Variants in ASIC2 observed in about 807,000 individuals in gnomAD.
ASIC2 encodes the protein acid sensing ion channel subunit 2, also known as acid-sensing ion channel 2.
In ASIC2, 25 loss-of-function variants were observed where a neutral mutation model predicts 57.3. The ratio of observed to expected loss-of-function variants is 0.44; its 90% CI spans 0.32 to 0.61. ASIC2 has a LOEUF of 0.61. Ranked by LOEUF, ASIC2 falls within the 20% of genes least tolerant of loss-of-function variation. The pLI is 0.06. For missense variants in ASIC2, 641 were observed against 738.1 expected (o/e 0.87, Z 1.52); for synonymous variants, 319 against 307.5 (o/e 1.04, Z -0.39).
At chr17:33,404,307 T>G (rs1040124664) in intron 1 of ASIC2, among the ~76,000 whole-genome samples, 1 of 152,346 alleles carries the variant, frequency 6.6e-6, no homozygotes, top group East Asian at 1.9e-4. Context: ...AATTGCACAC[T>G]TGAGTGAATT....
chr17:33,668,509 G>A (rs1230860810), intron 1 of ASIC2, among the ~76,000 whole-genome samples: 1 of 151,892 alleles, frequency 6.6e-6, no homozygotes, highest in Admixed American at 6.5e-5. Flanking sequence ...CTGGTTTTCC[G>A]CAGCCAAGAA....
intron 1 of ASIC2, among the ~76,000 whole-genome samples, chr17:33,782,038 C>G (rs1245685585): frequency 6.6e-6 from 1 of 152,196 alleles, no homozygotes; most frequent in Non-Finnish European, 1.5e-5. Context: ...AGCAGGCAGA[C>G]TGGCTTTTAT....
chr17:33,694,385 G>A (rs1159207865), intron 1 of ASIC2, among the ~76,000 whole-genome samples: 3 of 152,146 alleles, frequency 2.0e-5, no homozygotes. Flanking sequence ...TTTTTCAGCT[G>A]CACCACCCAT....
chr17:33,142,909 C>T (rs1176550456), intron 1 of ASIC2, among the ~76,000 whole-genome samples: 1 of 152,214 alleles, frequency 6.6e-6, no homozygotes, highest in African/African-American at 2.4e-5. Context: ...GGGTTGGTCA[C>T]TGTCCATGGT....
intron 1 of ASIC2, among the ~76,000 whole-genome samples, chr17:33,470,232 C>G (rs1187524561): frequency 2.6e-5 from 4 of 152,108 alleles, no homozygotes; most frequent in African/African-American, 9.7e-5. Context: ...GGGTCTTAAA[C>G]CAATGGACAA....
intron 1 of ASIC2, among the ~76,000 whole-genome samples, chr17:33,624,794 A>G (rs1905919913): frequency 6.6e-6 from 1 of 152,202 alleles, no homozygotes; most frequent in African/African-American, 2.4e-5. Flanking sequence ...TCATAGGGCT[A>G]AGCATTTGGG....
intron 1 of ASIC2, among the ~76,000 whole-genome samples, chr17:33,261,340 GGAT>G (rs1255902902): frequency 1.3e-5 from 2 of 152,156 alleles, no homozygotes; most frequent in African/African-American, 4.8e-5. Flanking sequence ...TGTTGTTTGT[GGAT>G]TAGAAAACAG....
At chr17:33,947,981 A>G (rs927674875) in intron 1 of ASIC2, among the ~76,000 whole-genome samples, 1 of 152,222 alleles carries the variant, frequency 6.6e-6, no homozygotes, top group Non-Finnish European at 1.5e-5. Flanking sequence ...TAAGCACTAT[A>G]TTATTTCTAT....
At chr17:33,087,673 C>T (rs532168727) in intron 3 of ASIC2, among the ~76,000 whole-genome samples, 1 of 150,042 alleles carries the variant, frequency 6.7e-6, no homozygotes, top group East Asian at 2.0e-4. Context: ...GTGATCCTCC[C>T]ACCTCCAACC....
intron 3 of ASIC2, among the ~76,000 whole-genome samples, chr17:33,034,715 A>G (rs1414150184): frequency 2.6e-5 from 4 of 151,962 alleles, no homozygotes; most frequent in Admixed American, 2.6e-4. Flanking sequence ...CCCTGCAGGT[A>G]TTATGCCCCC....
intron 1 of ASIC2, among the ~76,000 whole-genome samples, chr17:33,172,359 CT>C (rs1905555641): frequency 1.3e-5 from 2 of 152,242 alleles, no homozygotes; most frequent in Admixed American, 1.3e-4. Context: ...GTCCCCACCC[CT>C]GCCACAGGTA....
intron 1 of ASIC2, among the ~76,000 whole-genome samples, chr17:33,131,009 T>C (rs1253005055): frequency 6.6e-6 from 1 of 152,222 alleles, no homozygotes; most frequent in Non-Finnish European, 1.5e-5. Context: ...TGTTTTCATC[T>C]GTAAAGTGGA....
At chr17:33,417,140 G>C (rs1910872201) in intron 1 of ASIC2, among the ~76,000 whole-genome samples, 1 of 152,168 alleles carries the variant, frequency 6.6e-6, no homozygotes, top group African/African-American at 2.4e-5. Context: ...AACACACACA[G>C]ACTCTAGTAG....
At chr17:33,021,162 T>TACC in intron 7 of ASIC2, 57 bp downstream of exon 7, 3 of 694,006 alleles carry the variant, frequency 4.3e-6, no homozygotes, top group East Asian at 2.8e-5. Flanking sequence ...CTGTGCATCC[T>TACC]CCCTCCCTCC....
intron 1 of ASIC2, among the ~76,000 whole-genome samples, chr17:33,439,177 G>T (rs1471098766): frequency 6.6e-6 from 1 of 152,184 alleles, no homozygotes; most frequent in Non-Finnish European, 1.5e-5. Flanking sequence ...CTGTGGCACT[G>T]TGTCAGCCTT....
chr17:33,520,868 G>T (rs1009424256), intron 1 of ASIC2, among the ~76,000 whole-genome samples: 1 of 152,126 alleles, frequency 6.6e-6, no homozygotes, highest in Non-Finnish European at 1.5e-5. Flanking sequence ...TGACATTCAG[G>T]CCCTGGGGTT....
At chr17:33,574,260 T>C (rs1341678116) in intron 1 of ASIC2, among the ~76,000 whole-genome samples, 6 of 152,252 alleles carry the variant, frequency 3.9e-5, no homozygotes, top group Non-Finnish European at 5.9e-5. Flanking sequence ...AAATGGCCTT[T>C]GCTCTTGCTT....
chr17:33,689,020 C>CA (rs1908282887), intron 1 of ASIC2: 1 of 152,138 alleles, frequency 6.6e-6, no homozygotes, highest in South Asian at 2.1e-4. Context: ...TTTCACTCAC[C>CA]ATCAAGATGG....
upstream of ASIC2, among the ~76,000 whole-genome samples, chr17:33,294,577 A>T (rs1905642816): frequency 6.6e-6 from 1 of 152,024 alleles, no homozygotes; most frequent in Non-Finnish European, 1.5e-5. Flanking sequence ...ACCCACATAC[A>T]TACATCCACA....
Sources: gnomAD v4.1 joint callset for allele counts (sites outside exome capture counted in the v4.1 genomes callset) on GRCh38, gnomAD v4.1.1 for gene constraint, MANE v1.5 for transcripts, NCBI Gene and HGNC (gene_info 2026-07-23, HGNC 2026-07-21) for gene names.